The following CABP4 variants were observed in gnomAD, a reference collection of about 807,000 sequenced individuals.
CABP4 encodes calcium binding protein 4.
A neutral mutation model predicts 30.7 loss-of-function variants in CABP4; 30 were observed. The observed-to-expected ratio is 0.98, with a 90% CI of 0.73 to 1.33. The LOEUF (loss-of-function observed/expected upper bound fraction) is 1.33. Among genes scored for constraint, CABP4 ranks in the 40% most tolerant of loss-of-function variants. The pLI is 0.00. For missense variants in CABP4, 424 were observed against 395.5 expected (o/e 1.07, Z -0.61); for synonymous variants, 161 against 159.2 (o/e 1.01, Z -0.08).
At position 67,461,619 on chromosome 11, in the gene CABP4, A is replaced by C. The variant is rs549335985; in HGVS notation, c.*2960A>C. 2 of 152,270 alleles carry C rather than the reference A, an allele frequency of 1.3e-5. No homozygotes were observed. The highest frequency in any genetic ancestry group is 4.1e-4 in the South Asian group (2 of 4,822). The allele number at this position is 152,270 out of a possible 1,614,324, so 9.4% of individuals were successfully genotyped here. A position where few individuals can be genotyped will look rare whatever the true frequency, so the allele number is the denominator to read the frequency against. On this transcript the variant is annotated 3_prime_UTR_variant, in exon 6 of 6. Transcript: ENST00000325656. ...TTCTGTAAAGGGCTGGAGAATAATT[A>C]TTTTCAGCTTTGAGGCTTTGGTCTC...
rs1270442778 is a variant in CABP4 at position 67,461,403 on chromosome 11, A to G, written c.*2744A>G. Among the ~76,000 whole-genome samples, 1 of 152,270 alleles carries G rather than the reference A, an allele frequency of 6.6e-6. No individual in the cohort carries two copies. Among genetic ancestry groups the G allele is most frequent in the Admixed American group, 6.5e-5 (1 of 15,288 alleles). On this transcript the variant is annotated 3_prime_UTR_variant, in exon 6 of 6. Coordinates refer to ENST00000325656, the MANE Select transcript of CABP4 (RefSeq NM_145200.5). The stretch of plus-strand genomic sequence containing the variant: ...CTGAAAATTTTCCATAAAGACTTCC[A>G]CAGACTTCAACTCCCCAGATTGAAG...
intron 3 of CABP4, 25 bp downstream of exon 3, chr11:67,456,467 G>T (rs769636588): frequency 2.5e-6 from 4 of 1,605,096 alleles, no homozygotes; most frequent in South Asian, 2.2e-5. Context: ...CCGCCCGCCC[G>T]GGCAGCCTGC....
chr11:67,454,265 G>A (rs1031720945), upstream of CABP4, among the ~76,000 whole-genome samples: 3 of 152,180 alleles, frequency 2.0e-5, no homozygotes, highest in Non-Finnish European at 2.9e-5. Flanking sequence ...CTTTGAGGGC[G>A]ATGAGAGCCC....
chr11:67,455,152 C>T (rs1002928514), upstream of CABP4, among the ~76,000 whole-genome samples: 3 of 152,214 alleles, frequency 2.0e-5, no homozygotes, highest in Non-Finnish European at 4.4e-5. Flanking sequence ...GCAGATCTGG[C>T]ATCTGAGGCT....
At chr11:67,452,522 A>T (rs144090344), upstream of CABP4, 20 of 1,607,962 alleles carry the variant, frequency 1.2e-5, no homozygotes, top group Non-Finnish European at 1.6e-5. Context: ...GAGCAGGAGC[A>T]GCGCCAGACG....
chr11:67,452,525 G>T (rs763560796), upstream of CABP4: 1 of 1,606,902 alleles, frequency 6.2e-7, no homozygotes, highest in Non-Finnish European at 8.5e-7. Context: ...CAGGAGCAGC[G>T]CCAGACGCGT....
upstream of CABP4, among the ~76,000 whole-genome samples, chr11:67,454,221 G>T (rs768442285): frequency 3.9e-5 from 6 of 152,146 alleles, no homozygotes; most frequent in Non-Finnish European, 8.8e-5. Flanking sequence ...GCCCCACCTC[G>T]CCCTTCCCCG....
rs533020503 is a variant in CABP4 at position 67,460,514 on chromosome 11, T to TACACACACACAC, written c.*1856_*1857insCACACACACACA. On this transcript the variant is annotated 3_prime_UTR_variant, in exon 6 of 6. Transcript: ENST00000325656. ...TTAAAAAAATAAAGTATATTTTATA[T>TACACACACACAC]ATACACACACACACACACACACACA... Among the ~76,000 whole-genome samples the TACACACACACAC allele has an allele frequency of 1.9e-4, 23 of 118,620 alleles. No homozygotes were observed. The highest frequency in any genetic ancestry group is 1.0e-3 in the African/African-American group (22 of 22,042). The allele number at this position is 118,620 out of a possible 152,430, so 77.8% of individuals were successfully genotyped here. A position where few individuals can be genotyped will look rare whatever the true frequency, so the allele number is the denominator to read the frequency against.
chr11:67,454,297 A>T (rs1398926799), upstream of CABP4, among the ~76,000 whole-genome samples: 1 of 152,074 alleles, frequency 6.6e-6, no homozygotes, highest in Non-Finnish European at 1.5e-5. Flanking sequence ...TAGTCTGGGG[A>T]GGGAACGGAT....
At chr11:67,452,524 C>T (rs369472274), upstream of CABP4, 9 of 1,606,650 alleles carry the variant, frequency 5.6e-6, no homozygotes, top group South Asian at 2.2e-5. Flanking sequence ...GCAGGAGCAG[C>T]GCCAGACGCG....
At chr11:67,458,254 T>C (rs1394585480) in intron 4 of CABP4, 117 bp from the exon 5 acceptor site, 6 of 853,430 alleles carry the variant, frequency 7.0e-6, no homozygotes, top group Non-Finnish European at 9.1e-6. Flanking sequence ...CAAGACTCCA[T>C]CTCAAAAAAT....
rs201046715 is a variant in CABP4 at position 67,456,192 on chromosome 11, G to T, written c.371G>T (p.Arg124Leu). The T allele has an allele frequency of 3.7e-6, 6 of 1,613,184 alleles. No homozygotes were observed. The highest frequency in any genetic ancestry group is 2.2e-5 in the East Asian group (1 of 44,872). The stretch of plus-strand genomic sequence containing the variant: ...TCCTGGACTCTCCCCCTGCAGGACC[G>T]CGAACTGGGCCCCGAGGAGCTAGAC... ...PLLNRVFGKD[R>L]ELGPEELDEL... Residue 124 changes from arginine (R) to leucine (L), a missense_variant, in exon 2 of 6, where the codon CGC (arginine) becomes CTC (leucine). Coordinates refer to ENST00000325656, the MANE Select transcript of CABP4 (RefSeq NM_145200.5).
rs760018830 is a variant in CABP4, at chr11:67,455,672, AC to A, written c.254del (p.Pro85LeufsTer47). On this transcript the variant is annotated frameshift_variant, in exon 1 of 6. Transcript: ENST00000325656. LOFTEE classifies it high-confidence loss of function. ...PSTGEGPAGA[P>X]PASPGPASSR... Reference sequence around the variant, plus strand: ...GCACTGGAGAGGGGCCGGCGGGCGCACCCCCTGCATCCCCTGGGCCGGCCTC... The same window carrying A: ...GCACTGGAGAGGGGCCGGCGGGCGCACCCCTGCATCCCCTGGGCCGGCCTC... 8 of 1,605,630 alleles carry A rather than the reference AC, an allele frequency of 5.0e-6. No homozygotes were observed. Among genetic ancestry groups the A allele is most frequent in the African/African-American group, 1.3e-5 (1 of 74,702 alleles).
Position 67,455,705 on chromosome 11 carries a change from C to A in CABP4, c.282C>A (p.Arg94=). The A allele has an allele frequency of 6.2e-7, 1 of 1,608,352 alleles. No homozygotes were observed. Among genetic ancestry groups the A allele is most frequent in the South Asian group, 1.1e-5 (1 of 90,312 alleles). Residue 94 remains arginine (R), a synonymous_variant, in exon 1 of 6, where the codon CGC becomes CGA. Coordinates refer to ENST00000325656, the MANE Select transcript of CABP4 (RefSeq NM_145200.5). ...PPASPGPASS[R]QSHRHRPDSL... ...CATCCCCTGGGCCGGCCTCTTCTCG[C>A]CAGTCCCACCGACATCGTCCTGACT...
chr11:67,457,335 G>C (rs1434686294), intron 3 of CABP4, among the ~76,000 whole-genome samples: 2 of 152,156 alleles, frequency 1.3e-5, no homozygotes, highest in Non-Finnish European at 2.9e-5. Flanking sequence ...GCACTATCTG[G>C]CTCCAAAGCC....
chr11:67,452,979 G>T (rs377307965), upstream of CABP4: 16 of 422,062 alleles, frequency 3.8e-5, no homozygotes, highest in African/African-American at 2.8e-4. Context: ...GGTAGGAAGG[G>T]AGGTGCCAGG....
intron 3 of CABP4, among the ~76,000 whole-genome samples, chr11:67,456,780 GT>G (rs1864825184): frequency 6.6e-6 from 1 of 152,192 alleles, no homozygotes; most frequent in African/African-American, 2.4e-5. Flanking sequence ...ATAAAGTGCT[GT>G]CCGCTGATAC....
At position 67,455,419 on chromosome 11, in the gene CABP4, C is replaced by T. The variant is rs763948034; in HGVS notation, c.-5C>T. 3.9e-5 allele frequency: 62 copies of T among 1,604,800 alleles called. 1 individual carries two copies. In the South Asian group the frequency reaches 6.8e-4, roughly 17 times the overall value. ...GGTGTCTCTGAGCCCTGTTATCCCT[C>T]CCCCATGACCACAGAGCAGGCAAGG... is the stretch of plus-strand genomic sequence containing the variant. On this transcript the variant is annotated 5_prime_UTR_variant, in exon 1 of 6. Coordinates refer to ENST00000325656, the MANE Select transcript of CABP4 (RefSeq NM_145200.5).
At position 67,456,290 on chromosome 11, in the gene CABP4, C is replaced by T. The variant is rs747071384; in HGVS notation, c.398-9C>T. On this transcript the variant is annotated splice_polypyrimidine_tract_variant and intron_variant, in intron 2 of 5. Coordinates refer to ENST00000325656, the MANE Select transcript of CABP4 (RefSeq NM_145200.5). ...CTGGCCACCTGGGCTTGACCTCCCT[C>T]CTCCACAGAGCTTCAGGCCGCCTTC... is the stretch of plus-strand genomic sequence containing the variant. 6.2e-6 allele frequency: 10 copies of T among 1,613,678 alleles called. No homozygotes were observed. Among genetic ancestry groups the T allele is most frequent in the South Asian group, 1.1e-5 (1 of 91,086 alleles).
Sources: gnomAD v4.1 joint callset for allele counts (sites outside exome capture counted in the v4.1 genomes callset) on GRCh38, gnomAD v4.1.1 for gene constraint, MANE v1.5 for transcripts, NCBI Gene and HGNC (gene_info 2026-07-23, HGNC 2026-07-21) for gene names.